Variants in ZBTB16 observed in about 807,000 individuals in gnomAD.
ZBTB16 encodes the protein zinc finger and BTB domain containing 16.
Under a neutral mutation model 56.8 loss-of-function variants are expected in ZBTB16, and 8 were observed. That is an observed-to-expected ratio of 0.14 (90% CI 0.08 to 0.25). The LOEUF (loss-of-function observed/expected upper bound fraction) is 0.25. ZBTB16 is among the 10% of genes least tolerant of loss of function. The pLI, the probability that ZBTB16 is intolerant of heterozygous loss-of-function variation, is 1.00. For missense variants in ZBTB16, 625 were observed against 903.0 expected, an observed-to-expected ratio of 0.69 and a Z score of 3.95; for synonymous variants, 363 against 368.5, an observed-to-expected ratio of 0.98 and a Z score of 0.17.
rs1038931323 is a variant in ZBTB16, at chr11:114,251,270, C to G, written c.*715C>G. 3.9e-5 allele frequency among the ~76,000 whole-genome samples: 6 copies of G among 152,112 alleles called. No individual in the cohort carries two copies. On this transcript the variant is annotated 3_prime_UTR_variant, in exon 7 of 7. Transcript: ENST00000335953. ...GAGTCCCAGCCCCTCAGGGACCTGGCGGTGTCTCCATCCTTCTCCGGTTCC... is the reference window on the plus strand; with the variant it reads ...GAGTCCCAGCCCCTCAGGGACCTGGGGGTGTCTCCATCCTTCTCCGGTTCC...
chr11:114,090,670 A>T (rs1940152167), intron 2 of ZBTB16, among the ~76,000 whole-genome samples: 1 of 152,034 alleles, frequency 6.6e-6, no homozygotes, highest in South Asian at 2.1e-4. Context: ...TTAAAAAAGG[A>T]CTTCATTCTA....
Position 114,091,616 on chromosome 11 carries a change from CCCTCCCTTCCTCCCTT to C in ZBTB16, c.1268+27052_1268+27067del, listed in dbSNP as rs568563659. Among the ~76,000 whole-genome samples the C allele has an allele frequency of 5.5e-5, 8 of 145,062 alleles. No individual in the cohort carries two copies. The South Asian group carries it at 1.9e-3, about 34-fold the overall frequency. On this transcript the variant is annotated intron_variant, in intron 2 of 6. Transcript: ENST00000335953. Reference sequence around the variant, plus strand: ...ATCTTTTGTTCCTCCCTCCCTCCCTCCCTCCCTTCCTCCCTTCCTTCCTTCTGCTTTCCTGTTTAAA... The same window carrying C: ...ATCTTTTGTTCCTCCCTCCCTCCCTCCCTTCCTTCTGCTTTCCTGTTTAAA...
At chr11:114,210,744 G>T (rs764543361) in intron 4 of ZBTB16, 27 of 218,290 alleles carry the variant, frequency 1.2e-4, no homozygotes, top group Non-Finnish European at 2.2e-4. Flanking sequence ...CCCAGGCCTG[G>T]TGTTCACTGC....
chr11:114,098,788 G>A (rs1175566215), intron 2 of ZBTB16, among the ~76,000 whole-genome samples: 1 of 151,924 alleles, frequency 6.6e-6, no homozygotes, highest in Non-Finnish European at 1.5e-5. Flanking sequence ...CATAGCATAA[G>A]CATAGTTGCT....
chr11:114,156,020 T>G (rs1217338832), intron 2 of ZBTB16, among the ~76,000 whole-genome samples: 1 of 152,168 alleles, frequency 6.6e-6, no homozygotes, highest in African/African-American at 2.4e-5. Flanking sequence ...ACAGTGAGCA[T>G]TATGTCTGTC....
intron 3 of ZBTB16, among the ~76,000 whole-genome samples, chr11:114,172,072 C>T (rs1942983499): frequency 6.6e-6 from 1 of 152,196 alleles, no homozygotes; most frequent in Non-Finnish European, 1.5e-5. Flanking sequence ...GCCTTTCACT[C>T]GCTTAGCTGA....
At chr11:114,180,033 C>G (rs1166897114) in intron 3 of ZBTB16, among the ~76,000 whole-genome samples, 1 of 152,146 alleles carries the variant, frequency 6.6e-6, no homozygotes, top group Admixed American at 6.5e-5. Flanking sequence ...TTGGGGTGAT[C>G]CTTGGCACAG....
At chr11:114,225,185 T>A (rs1353209953) in intron 4 of ZBTB16, among the ~76,000 whole-genome samples, 3 of 152,118 alleles carry the variant, frequency 2.0e-5, no homozygotes, top group Non-Finnish European at 4.4e-5. Context: ...AAAGGCATTC[T>A]AGGGAGATTT....
chr11:114,170,976 T>G (rs182023900), intron 3 of ZBTB16, among the ~76,000 whole-genome samples: 1 of 152,180 alleles, frequency 6.6e-6, no homozygotes, highest in Non-Finnish European at 1.5e-5. Flanking sequence ...AGTGCCTTCA[T>G]TGGGGCCTAA....
intron 1 of ZBTB16, among the ~76,000 whole-genome samples, chr11:114,062,891 A>G (rs1565602049): frequency 6.6e-6 from 1 of 152,214 alleles, no homozygotes; most frequent in Non-Finnish European, 1.5e-5. Context: ...CTACTCTCAG[A>G]CACAGAGAAA....
chr11:114,137,830 C>T (rs1041841243), intron 2 of ZBTB16, among the ~76,000 whole-genome samples: 1 of 152,168 alleles, frequency 6.6e-6, no homozygotes, highest in Non-Finnish European at 1.5e-5. Flanking sequence ...GATGGAGTCT[C>T]CTTCCTCCCC....
chr11:114,228,929 T>TC (rs1426087587), intron 4 of ZBTB16, among the ~76,000 whole-genome samples: 1 of 152,102 alleles, frequency 6.6e-6, no homozygotes, highest in Non-Finnish European at 1.5e-5. Context: ...CAGCTGTCCC[T>TC]CCCCTTCCCT....
At chr11:114,159,177 A>C (rs547890497) in intron 3 of ZBTB16, among the ~76,000 whole-genome samples, 1 of 152,274 alleles carries the variant, frequency 6.6e-6, no homozygotes, top group Admixed American at 6.5e-5. Flanking sequence ...TGCCCTGCGG[A>C]GCTGGCGGTT....
rs1942024703 is a variant in ZBTB16, at chr11:114,143,756, A to G, written c.1269-12581A>G. Among the ~76,000 whole-genome samples, 1 of 152,226 alleles carries G rather than the reference A, an allele frequency of 6.6e-6. No homozygotes were observed. Among genetic ancestry groups the G allele is most frequent in the Admixed American group, 6.5e-5 (1 of 15,282 alleles). On this transcript the variant is annotated intron_variant, in intron 2 of 6. Transcript: ENST00000335953. This position sits in a 1 kb window ranked among gnomAD's most constrained non-coding sequence, Gnocchi z 6.4. ...CACAGGGCACCCAGGCGGGTAGCACAGGTGGCTTAGCAAATGCAGTCAGAG... is the reference window on the plus strand; with the variant it reads ...CACAGGGCACCCAGGCGGGTAGCACGGGTGGCTTAGCAAATGCAGTCAGAG...
chr11:114,158,581 T>C (rs1204548553), intron 3 of ZBTB16, among the ~76,000 whole-genome samples: 1 of 152,208 alleles, frequency 6.6e-6, no homozygotes, highest in East Asian at 1.9e-4. Context: ...CAGTTATTTA[T>C]GGACTTATCT....
chr11:114,066,200 T>C (rs1420491844), intron 2 of ZBTB16, among the ~76,000 whole-genome samples: 1 of 152,184 alleles, frequency 6.6e-6, no homozygotes, highest in East Asian at 1.9e-4. Flanking sequence ...GGGGTGGGGA[T>C]ATCTGGAAGT....
At chr11:114,223,790 C>T (rs1378159134) in intron 4 of ZBTB16, among the ~76,000 whole-genome samples, 1 of 152,000 alleles carries the variant, frequency 6.6e-6, no homozygotes, top group Non-Finnish European at 1.5e-5. Flanking sequence ...ATGGAGGCTT[C>T]CTGGAGGTGG....
rs185632309 is a variant in ZBTB16, at chr11:114,244,690, C to G, written c.1624+2353C>G. On this transcript the variant is annotated intron_variant, in intron 5 of 6. Coordinates refer to ENST00000335953, the MANE Select transcript of ZBTB16 (RefSeq NM_006006.6). ...AGTTCTTTTTATTCTTTTCCCTGGG[C>G]AGACTCAAGAATTTCCTATTTAAAC... 1.6e-3 allele frequency among the ~76,000 whole-genome samples: 246 copies of G among 152,036 alleles called. 2 individuals are homozygous for G. Among genetic ancestry groups the G allele is most frequent in the African/African-American group, 5.6e-3 (233 of 41,478 alleles).
chr11:114,217,233 C>G (rs546471391), intron 4 of ZBTB16, among the ~76,000 whole-genome samples: 8 of 152,298 alleles, frequency 5.3e-5, no homozygotes, highest in Admixed American at 2.0e-4. Flanking sequence ...TAGATTTTAT[C>G]CACAGATGAC....
Sources: gnomAD v4.1 joint callset for allele counts (sites outside exome capture counted in the v4.1 genomes callset) on GRCh38, gnomAD v4.1.1 for gene constraint, Gnocchi (gnomAD v3.1) non-coding constraint, MANE v1.5 for transcripts, NCBI Gene and HGNC (gene_info 2026-07-23, HGNC 2026-07-21) for gene names.